The following MAGI2 variants were observed in gnomAD, a reference collection of about 807,000 sequenced individuals.
The protein encoded by MAGI2 is membrane-associated guanylate kinase, WW and PDZ domain-containing protein 2.
Under a neutral mutation model 133.3 loss-of-function variants are expected in MAGI2, and 35 were observed. The ratio of observed to expected loss-of-function variants is 0.26; its 90% CI spans 0.20 to 0.35. The LOEUF (loss-of-function observed/expected upper bound fraction) is 0.35. Ranked by LOEUF, MAGI2 falls within the 10% of genes least tolerant of loss-of-function variation. The pLI is 1.00. For synonymous variants in MAGI2, 729 were observed against 710.6 expected (o/e 1.03, Z -0.41); for missense variants, 1,636 against 1,863.4 (o/e 0.88, Z 2.25).
chr7:78,586,303 C>G (rs915265973), intron 3 of MAGI2, among the ~76,000 whole-genome samples: 3 of 152,136 alleles, frequency 2.0e-5, no homozygotes, highest in Admixed American at 6.5e-5. Context: ...GCTGTGATAA[C>G]TAGAAAAGTA....
intron 21 of MAGI2, among the ~76,000 whole-genome samples, chr7:78,047,765 G>T (rs1811577436): frequency 6.6e-6 from 1 of 152,154 alleles, no homozygotes; most frequent in Non-Finnish European, 1.5e-5. Context: ...TGTGGGCCTT[G>T]TCTGCCTCCC....
chr7:79,029,216 T>C (rs1252321307), intron 1 of MAGI2, among the ~76,000 whole-genome samples: 1 of 152,158 alleles, frequency 6.6e-6, no homozygotes, highest in Non-Finnish European at 1.5e-5. Context: ...GGATAATATC[T>C]AATTGCTGAC....
In MAGI2 at chr7:78,536,103, CTTTTTTTTTTTTTTTT is replaced by C. The variant is rs544655465; in HGVS notation, c.539-14474_539-14459del. On this transcript the variant is annotated intron_variant, in intron 3 of 21. Coordinates refer to ENST00000354212, the MANE Select transcript of MAGI2 (RefSeq NM_012301.4). ...TACAGCTGGCTCTGTATGAATTAAACTTTTTTTTTTTTTTTTTTTTTTTTTTTGAGACGGAGTCTCG... is the reference window on the plus strand; with the variant it reads ...TACAGCTGGCTCTGTATGAATTAAACTTTTTTTTTTTGAGACGGAGTCTCG... 9.8e-4 allele frequency among the ~76,000 whole-genome samples: 59 copies of C among 59,948 alleles called. 2 individuals are homozygous for C. Among genetic ancestry groups the C allele is most frequent in the African/African-American group, 4.0e-3 (53 of 13,234 alleles). The allele number at this position is 59,948 out of a possible 152,430, so 39.3% of individuals were successfully genotyped here.
chr7:78,076,506 A>G (rs897159575), intron 21 of MAGI2, among the ~76,000 whole-genome samples: 6 of 151,220 alleles, frequency 4.0e-5, no homozygotes, highest in Non-Finnish European at 5.9e-5. Context: ...ACTCTGGTTA[A>G]TTTGAGAATT....
chr7:79,408,697 CTGTGGAAGATT>C lies in MAGI2; in HGVS notation c.301+44312_301+44322del, dbSNP rs1211677625. Among the ~76,000 whole-genome samples, 23 of 152,088 alleles carry C rather than the reference CTGTGGAAGATT, an allele frequency of 1.5e-4. No individual in the cohort carries two copies. In the East Asian group the frequency reaches 2.9e-3, roughly 19 times the overall value. ...AACCAGGAACAAGTTAAATGGAAAT[CTGTGGAAGATT>C]TTGGATGGCGTGATTTAGTCTGGGT... On this transcript the variant is annotated intron_variant, in intron 1 of 21. Transcript: ENST00000354212.
At chr7:78,402,354 G>T (rs770182715) in intron 6 of MAGI2, among the ~76,000 whole-genome samples, 11 of 40,036 alleles carry the variant, frequency 2.7e-4, no homozygotes, top group Non-Finnish European at 5.0e-4. Context: ...GTCCACCTGG[G>T]GCGTATGTGT....
chr7:78,866,021 C>T (rs514951), intron 2 of MAGI2, among the ~76,000 whole-genome samples: 95,519 of 152,008 alleles, frequency 0.63, 30,959 homozygotes, highest in East Asian at 0.73. Context: ...AGAGAGAGTA[C>T]AATCAGGAGT....
intron 6 of MAGI2, among the ~76,000 whole-genome samples, chr7:78,483,974 T>A (rs1792701957): frequency 1.3e-5 from 2 of 152,018 alleles, no homozygotes; most frequent in South Asian, 4.1e-4. Flanking sequence ...GTTTATCAGA[T>A]TAGAAAGATA....
intron 1 of MAGI2, among the ~76,000 whole-genome samples, chr7:79,008,390 TA>T (rs1807685458): frequency 6.6e-6 from 1 of 152,192 alleles, no homozygotes; most frequent in South Asian, 2.1e-4. Context: ...GTAACATTTC[TA>T]AAGTTTTCAA....
At chr7:78,211,853 T>C (rs1787796362) in intron 10 of MAGI2, among the ~76,000 whole-genome samples, 1 of 152,256 alleles carries the variant, frequency 6.6e-6, no homozygotes, top group South Asian at 2.1e-4. Flanking sequence ...TTATGCTGTA[T>C]GGACTACGAC....
At chr7:78,101,533 C>A (rs2151245851) in intron 20 of MAGI2, among the ~76,000 whole-genome samples, 1 of 152,212 alleles carries the variant, frequency 6.6e-6, no homozygotes, top group South Asian at 2.1e-4. Context: ...TTATCATACA[C>A]CATACACATA....
At chr7:78,696,880 A>T (rs1435194318) in intron 2 of MAGI2, among the ~76,000 whole-genome samples, 2 of 152,178 alleles carry the variant, frequency 1.3e-5, no homozygotes, top group Non-Finnish European at 2.9e-5. Flanking sequence ...AAAGCAGATC[A>T]ATTTTAGACA....
At chr7:79,003,627 T>C (rs748745374) in intron 2 of MAGI2, among the ~76,000 whole-genome samples, 9 of 152,208 alleles carry the variant, frequency 5.9e-5, no homozygotes, top group Admixed American at 1.3e-4. Context: ...ACAGATATGC[T>C]GGATACTTAT....
chr7:78,521,793 T>G (rs1029200310), intron 3 of MAGI2, 148 bp from the exon 4 acceptor site: 4 of 622,106 alleles, frequency 6.4e-6, no homozygotes, highest in Non-Finnish European at 1.1e-5. Flanking sequence ...TGGTTTTCTA[T>G]CTATGTGTCT....
At chr7:78,766,880 G>A (rs1485629499) in intron 2 of MAGI2, among the ~76,000 whole-genome samples, 1 of 152,142 alleles carries the variant, frequency 6.6e-6, no homozygotes, top group Non-Finnish European at 1.5e-5. Context: ...TCCTACTGTT[G>A]ACTTTGTGTA....
At chr7:79,033,965 AAT>A (rs1439867639) in intron 1 of MAGI2, among the ~76,000 whole-genome samples, 5 of 152,206 alleles carry the variant, frequency 3.3e-5, no homozygotes, top group African/African-American at 1.2e-4. Context: ...ATTTAAAAAA[AAT>A]GTTCTAGTAA....
chr7:78,378,762 C>G (rs995753), intron 6 of MAGI2, among the ~76,000 whole-genome samples: 1 of 151,878 alleles, frequency 6.6e-6, no homozygotes, highest in African/African-American at 2.4e-5. Context: ...ATTTTGAGGA[C>G]AGGACTAATG....
chr7:78,631,528 T>C (rs1173735379), intron 2 of MAGI2, among the ~76,000 whole-genome samples: 1 of 151,978 alleles, frequency 6.6e-6, no homozygotes, highest in Non-Finnish European at 1.5e-5. Flanking sequence ...AGAGAGTGGG[T>C]TGAAAAAGGG....
At chr7:78,588,515 T>C (rs1161503634) in intron 3 of MAGI2, among the ~76,000 whole-genome samples, 1 of 151,840 alleles carries the variant, frequency 6.6e-6, no homozygotes, top group Non-Finnish European at 1.5e-5. Flanking sequence ...CTTCCGAGAG[T>C]GAAGGCTGCC....
Sources: allele counts gnomAD v4.1 joint callset (sites outside exome capture counted in the v4.1 genomes callset), GRCh38; gene constraint gnomAD v4.1.1; transcripts MANE v1.5; gene names NCBI Gene and HGNC (gene_info 2026-07-23, HGNC 2026-07-21).